Variants in GLCCI1 observed in about 807,000 individuals in gnomAD.
GLCCI1 encodes the protein glucocorticoid-induced transcript 1 protein.
GLCCI1 carries 24 observed loss-of-function variants against 52.2 expected under a neutral mutation model. The observed-to-expected ratio is 0.46, with a 90% CI of 0.33 to 0.65. The LOEUF (loss-of-function observed/expected upper bound fraction) is 0.65, where lower values mean the gene tolerates loss of function less well. Among genes scored for constraint, GLCCI1 ranks in the 30% least tolerant of loss-of-function variants. GLCCI1 has a pLI of 0.02. For missense variants in GLCCI1, 704 were observed against 701.5 expected, an observed-to-expected ratio of 1.00 and a Z score of -0.04; for synonymous variants, 310 against 276.5, an observed-to-expected ratio of 1.12 and a Z score of -1.20.
At position 8,087,709 on chromosome 7, in the gene GLCCI1, T is replaced by C. The variant is rs1051260666; in HGVS notation, c.*1171T>C. On this transcript the variant is annotated 3_prime_UTR_variant, in exon 8 of 8. Coordinates refer to ENST00000223145, the MANE Select transcript of GLCCI1 (RefSeq NM_138426.4). ...TCTTCATTTACATAGAATACTTGGG[T>C]CTCAGAATTGATGCAACATAAGCAG... The C allele has an allele frequency of 1.3e-5, 2 of 151,660 alleles. No homozygotes were observed. Among genetic ancestry groups the C allele is most frequent in the Non-Finnish European group, 2.9e-5 (2 of 67,942 alleles). 9.4% of individuals were successfully genotyped at this position (151,660 alleles called of 1,614,324 possible). A position where few individuals can be genotyped will look rare whatever the true frequency, so the allele number is the denominator to read the frequency against.
At chr7:8,006,623 G>GTAACTA (rs1781156083) in intron 2 of GLCCI1, among the ~76,000 whole-genome samples, 1 of 152,156 alleles carries the variant, frequency 6.6e-6, no homozygotes, top group Non-Finnish European at 1.5e-5. Context: ...CTATATGTAC[G>GTAACTA]TAAGTTAAAT....
chr7:8,046,166 C>G (rs1016066693), intron 3 of GLCCI1, among the ~76,000 whole-genome samples: 1 of 102,498 alleles, frequency 9.8e-6, no homozygotes, highest in African/African-American at 4.1e-5. Flanking sequence ...TCAGAACTAT[C>G]AGCTGGGAAT....
In GLCCI1 at chr7:7,976,179, G is replaced by A. The variant is rs534846765; in HGVS notation, c.457+6372G>A. The stretch of plus-strand genomic sequence containing the variant: ...ATGATGGCTCACCAAAAAGAATGAT[G>A]ATTTAAAGAAGCTAGTGGGCTGGGC... On this transcript the variant is annotated intron_variant, in intron 1 of 7. Coordinates refer to ENST00000223145, the MANE Select transcript of GLCCI1 (RefSeq NM_138426.4). Among the ~76,000 whole-genome samples the A allele has an allele frequency of 2.0e-5, 3 of 152,096 alleles. No homozygotes were observed. The East Asian group carries it at 5.8e-4, about 29-fold the overall frequency.
chr7:8,085,112 G>T (rs1783076115), intron 7 of GLCCI1, 95 bp downstream of exon 7: 2 of 1,393,110 alleles, frequency 1.4e-6, no homozygotes, highest in South Asian at 2.7e-5. Flanking sequence ...ACTCTATCCA[G>T]CTGATAATGT....
intron 3 of GLCCI1, among the ~76,000 whole-genome samples, chr7:8,033,443 G>A (rs891611825): frequency 6.6e-6 from 1 of 152,046 alleles, no homozygotes; most frequent in Non-Finnish European, 1.5e-5. Flanking sequence ...CATTCGGATT[G>A]TAAAGGAAGC....
intron 3 of GLCCI1, among the ~76,000 whole-genome samples, chr7:8,048,022 A>G (rs935176950): frequency 5.9e-5 from 9 of 152,116 alleles, no homozygotes; most frequent in African/African-American, 1.2e-4. Context: ...CCCTAACTCA[A>G]CAGTCTCTAT....
At chr7:8,052,371 A>T (rs1405605249) in intron 3 of GLCCI1, among the ~76,000 whole-genome samples, 1 of 152,272 alleles carries the variant, frequency 6.6e-6, no homozygotes, top group South Asian at 2.1e-4. Context: ...TTCTTTTTTC[A>T]AAAGGTTGTT....
intron 2 of GLCCI1, among the ~76,000 whole-genome samples, chr7:8,020,058 G>T (rs1056263277): frequency 1.3e-5 from 2 of 152,060 alleles, no homozygotes; most frequent in Non-Finnish European, 2.9e-5. Context: ...ACTTAATTTT[G>T]TTTAGCTTTT....
intron 6 of GLCCI1, among the ~76,000 whole-genome samples, chr7:8,079,292 TAA>T (rs369658192): frequency 1.2e-4 from 18 of 151,912 alleles, no homozygotes; most frequent in African/African-American, 3.9e-4. Context: ...TTTGTTTTTT[TAA>T]AAACTGATGT....
intron 6 of GLCCI1, among the ~76,000 whole-genome samples, chr7:8,073,551 T>C (rs201581278): frequency 1.9e-4 from 29 of 152,274 alleles, no homozygotes; most frequent in South Asian, 4.1e-4. Flanking sequence ...AGATCATCTC[T>C]AAAGCTAAGG....
chr7:8,010,934 CTATTTTT>C (rs1781251129), intron 2 of GLCCI1, among the ~76,000 whole-genome samples: 1 of 146,286 alleles, frequency 6.8e-6, no homozygotes, highest in Non-Finnish European at 1.5e-5. Context: ...TTTTTTTTTT[CTATTTTT>C]TAAGTTGTGG....
chr7:8,073,230 T>C (rs141636469), intron 6 of GLCCI1, among the ~76,000 whole-genome samples: 2 of 152,294 alleles, frequency 1.3e-5, no homozygotes, highest in East Asian at 3.9e-4. Flanking sequence ...GAATGGTAGC[T>C]GCTGCTATAA....
chr7:8,007,384 C>T (rs1029203634), intron 2 of GLCCI1, among the ~76,000 whole-genome samples: 2 of 152,050 alleles, frequency 1.3e-5, no homozygotes, highest in East Asian at 1.9e-4. Flanking sequence ...ACGTATTAAG[C>T]GTGAGGACAG....
intron 7 of GLCCI1, 138 bp downstream of exon 7, chr7:8,085,155 A>G (rs1050667273): frequency 9.7e-6 from 9 of 932,530 alleles, no homozygotes; most frequent in Non-Finnish European, 1.3e-5. Context: ...AGAGAATTGA[A>G]TAGGCAAGAG....
At chr7:8,046,750 A>T (rs1224092884) in intron 3 of GLCCI1, among the ~76,000 whole-genome samples, 1 of 152,168 alleles carries the variant, frequency 6.6e-6, no homozygotes, top group Non-Finnish European at 1.5e-5. Context: ...GCTGTGCCCC[A>T]ACCACCTTGG....
chr7:8,042,221 T>C (rs2127954989), intron 3 of GLCCI1, among the ~76,000 whole-genome samples: 1 of 152,270 alleles, frequency 6.6e-6, no homozygotes, highest in South Asian at 2.1e-4. Context: ...AATCAAGGAG[T>C]AATTTCAATC....
At chr7:8,050,674 T>C (rs1437277787) in intron 3 of GLCCI1, among the ~76,000 whole-genome samples, 2 of 152,202 alleles carry the variant, frequency 1.3e-5, no homozygotes, top group Admixed American at 1.3e-4. Flanking sequence ...CCTTTTCCAT[T>C]CCCATTTGTC....
At chr7:8,066,687 G>A (rs1358638073) in intron 5 of GLCCI1, among the ~76,000 whole-genome samples, 1 of 151,536 alleles carries the variant, frequency 6.6e-6, no homozygotes, top group East Asian at 1.9e-4. Context: ...GTAATTATAT[G>A]GTTTTCAGCA....
intron 6 of GLCCI1, among the ~76,000 whole-genome samples, chr7:8,075,754 G>A (rs1391037127): frequency 6.6e-6 from 1 of 152,204 alleles, no homozygotes; most frequent in Non-Finnish European, 1.5e-5. Context: ...GGAATCGTTT[G>A]ATTCAGGCCA....
Sources: gnomAD v4.1 joint callset for allele counts (sites outside exome capture counted in the v4.1 genomes callset) on GRCh38, gnomAD v4.1.1 for gene constraint, MANE v1.5 for transcripts, NCBI Gene and HGNC (gene_info 2026-07-23, HGNC 2026-07-21) for gene names.